Variants in KCTD16 observed in about 807,000 individuals in gnomAD.
KCTD16 encodes BTB/POZ domain-containing protein KCTD16.
A neutral mutation model predicts 33.2 loss-of-function variants in KCTD16; 13 were observed. The observed-to-expected ratio is 0.39, with a 90% CI of 0.25 to 0.62. The LOEUF is 0.62. Ranked by LOEUF, KCTD16 falls within the 20% of genes least tolerant of loss-of-function variation. The pLI, the probability that KCTD16 is intolerant of heterozygous loss-of-function variation, is 0.50. For missense variants in KCTD16, 441 were observed against 525.1 expected (o/e 0.84, Z 1.57); for synonymous variants, 197 against 195.3 (o/e 1.01, Z -0.07).
At chr5:144,368,335 G>C (rs188027712) in intron 3 of KCTD16, among the ~76,000 whole-genome samples, 1 of 152,216 alleles carries the variant, frequency 6.6e-6, no homozygotes, top group Admixed American at 6.5e-5. Context: ...TTAAAAGCAG[G>C]AGAGAAAGTC....
At chr5:144,295,680 C>T (rs927407715) in intron 3 of KCTD16, among the ~76,000 whole-genome samples, 1 of 152,184 alleles carries the variant, frequency 6.6e-6, no homozygotes, top group Admixed American at 6.5e-5. Flanking sequence ...GCAAAGGAAA[C>T]TTTGCAGATG....
intron 3 of KCTD16, among the ~76,000 whole-genome samples, chr5:144,349,894 C>A (rs1395504493): frequency 1.3e-5 from 2 of 152,230 alleles, no homozygotes; most frequent in African/African-American, 2.4e-5. Context: ...GCACCTTGAC[C>A]TTCTCTAACT....
At chr5:144,438,206 A>T (rs1270265739) in intron 3 of KCTD16, among the ~76,000 whole-genome samples, 1 of 152,210 alleles carries the variant, frequency 6.6e-6, no homozygotes, top group African/African-American at 2.4e-5. Flanking sequence ...GAGCATTTGT[A>T]TGAGTAAGTC....
chr5:144,426,457 C>G (rs1015917305), intron 3 of KCTD16, among the ~76,000 whole-genome samples: 4 of 152,092 alleles, frequency 2.6e-5, no homozygotes, highest in Admixed American at 1.3e-4. Context: ...CTTTTTCTAG[C>G]CTGCTCTCTA....
At chr5:144,312,005 C>T (rs1751778719) in intron 3 of KCTD16, among the ~76,000 whole-genome samples, 1 of 152,006 alleles carries the variant, frequency 6.6e-6, no homozygotes, top group East Asian at 1.9e-4. Flanking sequence ...TTGTTAAAGC[C>T]ATTTGCTCCA....
intron 3 of KCTD16, among the ~76,000 whole-genome samples, chr5:144,359,489 T>C (rs78148584): frequency 4.8e-3 from 730 of 152,214 alleles, no homozygotes; most frequent in Non-Finnish European, 6.6e-3. Flanking sequence ...ATTATACTAA[T>C]AAGAAGTTTG....
At chr5:144,322,746 A>T (rs1752107334) in intron 3 of KCTD16, among the ~76,000 whole-genome samples, 1 of 152,020 alleles carries the variant, frequency 6.6e-6, no homozygotes, top group Non-Finnish European at 1.5e-5. Flanking sequence ...AAAAAACAAA[A>T]ACTTCTGAAC....
intron 3 of KCTD16, among the ~76,000 whole-genome samples, chr5:144,355,788 C>T (rs1379564464): frequency 6.6e-6 from 1 of 152,120 alleles, no homozygotes; most frequent in East Asian, 1.9e-4. Flanking sequence ...TAGGAAGACA[C>T]CAGGCTGATT....
chr5:144,417,932 A>T (rs1160969742), intron 3 of KCTD16, among the ~76,000 whole-genome samples: 1 of 152,134 alleles, frequency 6.6e-6, no homozygotes, highest in African/African-American at 2.4e-5. Context: ...AGTGAGTGTT[A>T]CAGTTCTTAA....
At chr5:144,260,002 C>T (rs956452947) in intron 3 of KCTD16, among the ~76,000 whole-genome samples, 1 of 152,170 alleles carries the variant, frequency 6.6e-6, no homozygotes, top group African/African-American at 2.4e-5. Context: ...AAATCAGCCC[C>T]TAAGCAGGTT....
At chr5:144,375,330 A>G (rs1752066024) in intron 3 of KCTD16, among the ~76,000 whole-genome samples, 1 of 152,220 alleles carries the variant, frequency 6.6e-6, no homozygotes, top group Admixed American at 6.5e-5. Flanking sequence ...TTTTTCTATT[A>G]TAATAGAATT....
chr5:144,260,985 C>T (rs1298166046), intron 3 of KCTD16, among the ~76,000 whole-genome samples: 2 of 151,700 alleles, frequency 1.3e-5, no homozygotes, highest in African/African-American at 2.4e-5. Context: ...CCTTCCTGAG[C>T]TTACTTTAAT....
intron 3 of KCTD16, among the ~76,000 whole-genome samples, chr5:144,415,606 T>C (rs890401043): frequency 1.3e-5 from 2 of 152,206 alleles, no homozygotes; most frequent in Non-Finnish European, 2.9e-5. Flanking sequence ...TGAGGAATTG[T>C]ACAAAAAATC....
intron 2 of KCTD16, among the ~76,000 whole-genome samples, chr5:144,185,445 A>T (rs1414762815): frequency 6.6e-6 from 1 of 152,204 alleles, no homozygotes; most frequent in Admixed American, 6.5e-5. Context: ...ACAATATCAT[A>T]TATCTTAATG....
At chr5:144,299,092 C>T (rs56184858) in intron 3 of KCTD16, among the ~76,000 whole-genome samples, 12 of 13,302 alleles carry the variant, frequency 9.0e-4, no homozygotes, top group Middle Eastern at 0.05. Flanking sequence ...ATATATATCA[C>T]TATGTATATA....
chr5:144,254,201 G>A (rs1754781395), intron 3 of KCTD16, among the ~76,000 whole-genome samples: 3 of 151,750 alleles, frequency 2.0e-5, no homozygotes, highest in South Asian at 2.1e-4. Context: ...GCAGTGGCGC[G>A]ATCTCCGCTC....
intron 3 of KCTD16, among the ~76,000 whole-genome samples, chr5:144,272,739 C>A (rs1755332640): frequency 6.6e-6 from 1 of 152,108 alleles, no homozygotes; most frequent in Non-Finnish European, 1.5e-5. Context: ...AAAGGATAGT[C>A]ATTTCAACAA....
intron 2 of KCTD16, among the ~76,000 whole-genome samples, chr5:144,190,578 T>A (rs1167979640): frequency 6.6e-6 from 1 of 152,190 alleles, no homozygotes; most frequent in Non-Finnish European, 1.5e-5. Context: ...TGAAAATTCC[T>A]TTCTTTACTA....
chr5:144,409,847 A>C (rs1303159035), intron 3 of KCTD16, among the ~76,000 whole-genome samples: 1 of 152,194 alleles, frequency 6.6e-6, no homozygotes, highest in Non-Finnish European at 1.5e-5. Flanking sequence ...CAACAACAAA[A>C]GAAATGAAAA....
Sources: allele counts gnomAD v4.1 joint callset (sites outside exome capture counted in the v4.1 genomes callset), GRCh38; gene constraint gnomAD v4.1.1; transcripts MANE v1.5; gene names NCBI Gene and HGNC (gene_info 2026-07-23, HGNC 2026-07-21).